Variants in PSMD8 observed in about 807,000 individuals in gnomAD.
PSMD8 encodes 26S proteasome non-ATPase regulatory subunit 8.
Under a neutral mutation model 40.0 loss-of-function variants are expected in PSMD8, and 30 were observed. That is an observed-to-expected ratio of 0.75 (90% CI 0.56 to 1.02). PSMD8 has a LOEUF of 1.02. Ranked by LOEUF, PSMD8 falls within the 50% of genes least tolerant of loss-of-function variation. The pLI is 0.00. For missense variants in PSMD8, 461 were observed against 463.9 expected, an observed-to-expected ratio of 0.99 and a Z score of 0.06; for synonymous variants, 208 against 192.5, an observed-to-expected ratio of 1.08 and a Z score of -0.67.
At chr19:38,375,581 G>T (rs903630158) in intron 1 of PSMD8, 11 of 172,392 alleles carry the variant, frequency 6.4e-5, no homozygotes, top group Admixed American at 4.4e-4. Context: ...GCTTAGGCTC[G>T]CATCTGTTGG....
At chr19:38,378,651 G>A (rs879306706) in intron 3 of PSMD8, among the ~76,000 whole-genome samples, 3 of 149,294 alleles carry the variant, frequency 2.0e-5, no homozygotes, top group African/African-American at 4.9e-5. Flanking sequence ...ACCTTGTCTC[G>A]GAATTGAAAA....
chr19:38,381,963 C>T (rs925504273), intron 5 of PSMD8, among the ~76,000 whole-genome samples, 154 bp from the exon 6 acceptor site: 1 of 152,132 alleles, frequency 6.6e-6, no homozygotes, highest in Non-Finnish European at 1.5e-5. Flanking sequence ...AGTTTCTCCC[C>T]TTCTGAGCCT....
At chr19:38,379,124 C>A (rs1048943774) in intron 3 of PSMD8, 116 bp from the exon 4 acceptor site, 113 of 1,082,044 alleles carry the variant, frequency 1.0e-4, no homozygotes, top group Non-Finnish European at 1.3e-4. Flanking sequence ...AACCCAGGAC[C>A]TGATACCTCT....
chr19:38,383,179 A>G, intron 6 of PSMD8, 74 bp from the exon 7 acceptor site: 1 of 1,585,590 alleles, frequency 6.3e-7, no homozygotes, highest in Non-Finnish European at 8.6e-7. Flanking sequence ...CACGTGGGCA[A>G]GTGCTGGCCC....
rs776434691 is a variant in PSMD8 at position 38,374,877 on chromosome 19, C to A, written c.276C>A (p.Thr92=). 2.4e-5 allele frequency: 38 copies of A among 1,586,466 alleles called. No individual in the cohort carries two copies. The highest frequency in any genetic ancestry group is 1.7e-4 in the Middle Eastern group (1 of 6,044). The change falls in exon 1 of 7, where the codon ACC becomes ACA. Residue 92 remains threonine (T), a synonymous_variant. Coordinates refer to ENST00000215071, the MANE Select transcript of PSMD8 (RefSeq NM_002812.5). ...CGGGCGCTGTTCTGCAGGCCGCGAC[C>A]GGCATGTACGAGCAACTCAAGGGCG... ...ATSGAVLQAA[T]GMYEQLKGEW... is the part of the protein sequence containing the mutation.
intron 5 of PSMD8, 71 bp from the exon 6 acceptor site, chr19:38,382,046 T>G: frequency 9.1e-7 from 1 of 1,094,702 alleles, no homozygotes; most frequent in South Asian, 1.4e-5. Flanking sequence ...CTGACACATG[T>G]CAGGTCTGGG....
At chr19:38,382,385 C>G in intron 6 of PSMD8, 157 bp downstream of exon 6, 1 of 668,276 alleles carries the variant, frequency 1.5e-6, no homozygotes, top group East Asian at 2.7e-5. Flanking sequence ...ACATCAGTTT[C>G]TCTATCCACA....
At chr19:38,376,326 C>T in intron 2 of PSMD8, 26 bp from the exon 3 acceptor site, 1 of 1,542,618 alleles carries the variant, frequency 6.5e-7, no homozygotes, top group Non-Finnish European at 8.8e-7. Flanking sequence ...CAGTCACCTC[C>T]TGAGAGCTCA....
chr19:38,381,067 C>T, intron 5 of PSMD8, 68 bp downstream of exon 5: 1 of 1,247,574 alleles, frequency 8.0e-7, no homozygotes, highest in Middle Eastern at 1.9e-4. Flanking sequence ...AGCTCCGAGT[C>T]TGAATCTCAT....
At chr19:38,383,127 T>C (rs2145131171) in intron 6 of PSMD8, 126 bp from the exon 7 acceptor site, 1 of 1,236,660 alleles carries the variant, frequency 8.1e-7, no homozygotes, top group Non-Finnish European at 1.1e-6. Flanking sequence ...TTGTCAAGGG[T>C]CGTTGGGCAG....
intron 3 of PSMD8, among the ~76,000 whole-genome samples, chr19:38,376,778 C>T (rs1170177171): frequency 2.6e-5 from 4 of 152,258 alleles, no homozygotes; most frequent in African/African-American, 9.6e-5. Context: ...AAATTTGACA[C>T]TGTCCATACC....
At position 38,383,335 on chromosome 19, in the gene PSMD8, C is replaced by T. The variant is rs763490920; in HGVS notation, c.998C>T (p.Thr333Ile). The change falls in exon 7 of 7, where the codon ACA (threonine) becomes ATA (isoleucine). Residue 333 changes from threonine (T) to isoleucine (I), a missense_variant. Physicochemically the swap from Thr to Ile is moderately conservative, Grantham distance 89. This residue lies in a region of PSMD8 where 236 missense variants were observed against 321.2 expected (regional missense o/e 0.73). Coordinates refer to ENST00000215071, the MANE Select transcript of PSMD8 (RefSeq NM_002812.5). ...QKPEDTTIPS[T>I]ELAKQVIEYA... Reference sequence around the variant, plus strand: ...CCGGAAGACACCACCATTCCCTCCACAGAACTGGCCAAACAGGTCATCGAG... The same window carrying T: ...CCGGAAGACACCACCATTCCCTCCATAGAACTGGCCAAACAGGTCATCGAG... The T allele has an allele frequency of 1.2e-5, 20 of 1,613,746 alleles. No individual in the cohort carries two copies. The highest frequency in any genetic ancestry group is 1.7e-5 in the Non-Finnish European group (20 of 1,179,884).
At chr19:38,381,081 A>G (rs775244843) in intron 5 of PSMD8, 82 bp downstream of exon 5, 14 of 1,149,204 alleles carry the variant, frequency 1.2e-5, no homozygotes, top group Non-Finnish European at 1.7e-5. Context: ...ATCTCATTCC[A>G]GCCATTGGTT....
Position 38,374,598 on chromosome 19 carries a change from T to C in PSMD8, c.-4T>C. 6.8e-7 allele frequency: 1 copy of C among 1,462,758 alleles called. No individual in the cohort carries two copies. The allele number at this position is 1,462,758 out of a possible 1,614,324, so 90.6% of individuals were successfully genotyped here. On this transcript the variant is annotated 5_prime_UTR_variant, in exon 1 of 7. Coordinates refer to ENST00000215071, the MANE Select transcript of PSMD8 (RefSeq NM_002812.5). Reference sequence around the variant, plus strand: ...GTGACGACAGAGGCGGAGCTCCAACTGACATGTTCATTAAGGGCAGGGCTC... The same window carrying C: ...GTGACGACAGAGGCGGAGCTCCAACCGACATGTTCATTAAGGGCAGGGCTC...
chr19:38,379,519 C>A, intron 4 of PSMD8, 114 bp downstream of exon 4: 1 of 1,166,224 alleles, frequency 8.6e-7, no homozygotes, highest in Non-Finnish European at 1.2e-6. Flanking sequence ...CACCCACGGA[C>A]CCATCCTCTT....
chr19:38,374,812 G>A lies in PSMD8; in HGVS notation c.211G>A (p.Gly71Arg), dbSNP rs761814714. Residue 71 changes from glycine (G) to arginine (R), a missense_variant, in exon 1 of 7, where the codon GGG (glycine) becomes AGG (arginine). Gly to Arg is a moderately radical substitution (Grantham distance 125, BLOSUM62 -2). This residue lies in a region of PSMD8 where 225 missense variants were observed against 142.7 expected (regional missense o/e 1.58). Coordinates refer to ENST00000215071, the MANE Select transcript of PSMD8 (RefSeq NM_002812.5). ...CAAGATGGCGGCCGCGGCGGTGAAC[G>A]GGGCGGCAGGCTTCTCGAGCTCCGG... ...SRKMAAAAVN[G>R]AAGFSSSGPA... The A allele has an allele frequency of 3.8e-6, 6 of 1,573,102 alleles. No individual in the cohort carries two copies. In the South Asian group the frequency reaches 5.7e-5, roughly 15 times the overall value.
chr19:38,383,479 C>T lies in PSMD8; in HGVS notation c.*89C>T, dbSNP rs1970661453. The stretch of plus-strand genomic sequence containing the variant: ...GCCCAATAAAGGTGGACTGACATTC[C>T]CTCTTCCAGGCCCTTGTCTCCCCAG... On this transcript the variant is annotated 3_prime_UTR_variant, in exon 7 of 7. Transcript: ENST00000215071. The T allele has an allele frequency of 6.5e-7, 1 of 1,528,944 alleles. No individual in the cohort carries two copies. Among genetic ancestry groups the T allele is most frequent in the African/African-American group, 1.4e-5 (1 of 73,242 alleles). 94.7% of individuals were successfully genotyped at this position (1,528,944 alleles called of 1,614,324 possible).
chr19:38,374,650 C>T lies in PSMD8; in HGVS notation c.49C>T (p.Arg17Trp). Residue 17 changes from arginine (R) to tryptophan (W), a missense_variant, in exon 1 of 7, where the codon CGG (arginine) becomes TGG (tryptophan). Around this residue, in one of 2 missense-constraint regions of PSMD8, gnomAD observed 225 missense variants for 142.7 expected, o/e 1.58. Transcript: ENST00000215071. ...GAGGGCGCCACCTCGAGAGCGACGG[C>T]GGGCTACCCGGGGCGGGCTGAGGCA... ...APRAPPRERR[R>W]ATRGGLRQVV... 2 of 1,514,232 alleles carry T rather than the reference C, an allele frequency of 1.3e-6. No individual in the cohort carries two copies. Among genetic ancestry groups the T allele is most frequent in the Non-Finnish European group, 1.8e-6 (2 of 1,138,602 alleles). The allele number at this position is 1,514,232 out of a possible 1,614,324, so 93.8% of individuals were successfully genotyped here. A position where few individuals can be genotyped will look rare whatever the true frequency, so the allele number is the denominator to read the frequency against.
chr19:38,374,571 G>A lies in PSMD8; in HGVS notation c.-31G>A, dbSNP rs774279655. On this transcript the variant is annotated 5_prime_UTR_variant, in exon 1 of 7. Transcript: ENST00000215071. Reference sequence around the variant, plus strand: ...AAAGCCAACTTCCGGTCACCATCTTGAGTGACGACAGAGGCGGAGCTCCAA... The same window carrying A: ...AAAGCCAACTTCCGGTCACCATCTTAAGTGACGACAGAGGCGGAGCTCCAA... The A allele has an allele frequency of 5.6e-6, 8 of 1,440,142 alleles. No homozygotes were observed. Among genetic ancestry groups the A allele is most frequent in the Non-Finnish European group, 6.4e-6 (7 of 1,100,116 alleles). The allele number at this position is 1,440,142 out of a possible 1,614,324, so 89.2% of individuals were successfully genotyped here.
Sources: gnomAD v4.1 joint callset for allele counts (sites outside exome capture counted in the v4.1 genomes callset) on GRCh38, gnomAD v4.1.1 for gene constraint, gnomAD v4.1.1 regional missense constraint, MANE v1.5 for transcripts, NCBI Gene and HGNC (gene_info 2026-07-23, HGNC 2026-07-21) for gene names.